The following GRXCR1 variants were observed in gnomAD, a reference collection of about 807,000 sequenced individuals.
GRXCR1 encodes the protein glutaredoxin and cysteine rich domain containing 1.
GRXCR1 carries 27 observed loss-of-function variants against 27.3 expected under a neutral mutation model. The ratio of observed to expected loss-of-function variants is 0.99; its 90% CI spans 0.73 to 1.37. The LOEUF (loss-of-function observed/expected upper bound fraction) is 1.37, where lower values mean the gene tolerates loss of function less well. Ranked by LOEUF, GRXCR1 falls within the 40% of genes most tolerant of loss-of-function variation. The pLI is 0.00. For missense variants in GRXCR1, 379 were observed against 354.4 expected (o/e 1.07, Z -0.56); for synonymous variants, 122 against 131.1 (o/e 0.93, Z 0.47).
At chr4:42,919,998 T>G (rs1746973199) in intron 1 of GRXCR1, among the ~76,000 whole-genome samples, 1 of 152,126 alleles carries the variant, frequency 6.6e-6, no homozygotes, top group South Asian at 2.1e-4. Context: ...CATCATGGCC[T>G]TTGTGGTAAA....
At chr4:42,951,831 C>A (rs554235812) in intron 1 of GRXCR1, among the ~76,000 whole-genome samples, 1 of 152,106 alleles carries the variant, frequency 6.6e-6, no homozygotes, top group Non-Finnish European at 1.5e-5. Context: ...GAGATAATAT[C>A]TCATTGTGGT....
At chr4:42,992,101 T>C (rs1311723701) in intron 2 of GRXCR1, among the ~76,000 whole-genome samples, 1 of 152,150 alleles carries the variant, frequency 6.6e-6, no homozygotes, top group Non-Finnish European at 1.5e-5. Flanking sequence ...CCTCCTCTCC[T>C]ATATTCCTTT....
In GRXCR1 at chr4:42,983,377, G is replaced by A. The variant is rs1396188571; in HGVS notation, c.627+20243G>A. On this transcript the variant is annotated intron_variant, in intron 2 of 3. Transcript: ENST00000399770. ...GATCAGATAGTTGTAGATATGCGGC[G>A]TTATTTCTGAGGGCTCTGTTCTGTT... 1.1e-3 allele frequency among the ~76,000 whole-genome samples: 165 copies of A among 149,678 alleles called. 1 individual carries two copies. Among genetic ancestry groups the A allele is most frequent in the African/African-American group, 2.1e-3 (85 of 40,502 alleles).
At chr4:42,974,666 T>G (rs1748467854) in intron 2 of GRXCR1, among the ~76,000 whole-genome samples, 1 of 152,090 alleles carries the variant, frequency 6.6e-6, no homozygotes, top group African/African-American at 2.4e-5. Flanking sequence ...AGACCACTCT[T>G]ATTGCTTCCT....
chr4:42,947,373 C>A (rs1177318409), intron 1 of GRXCR1, among the ~76,000 whole-genome samples: 3 of 152,002 alleles, frequency 2.0e-5, no homozygotes, highest in African/African-American at 4.8e-5. Flanking sequence ...GATTTTGTGA[C>A]CTTAAGCAAG....
intron 3 of GRXCR1, among the ~76,000 whole-genome samples, chr4:43,025,975 CA>C (rs373672727): frequency 0.12 from 11,140 of 89,664 alleles, 687 homozygotes; most frequent in African/African-American, 0.29. Context: ...AACTCCGTCT[CA>C]AAAAAAAAAA....
intron 2 of GRXCR1, among the ~76,000 whole-genome samples, chr4:42,989,701 G>C (rs1442728311): frequency 6.6e-6 from 1 of 152,078 alleles, no homozygotes; most frequent in Non-Finnish European, 1.5e-5. Flanking sequence ...GTACTACTTA[G>C]CTTGATTTCT....
intron 1 of GRXCR1, 128 bp from the exon 2 acceptor site, chr4:42,962,764 C>G: frequency 3.0e-6 from 3 of 995,736 alleles, no homozygotes; most frequent in Non-Finnish European, 4.8e-6. Flanking sequence ...AAAGGTAAGT[C>G]TTTGAATTGA....
At chr4:43,023,495 A>C (rs542082166) in intron 3 of GRXCR1, among the ~76,000 whole-genome samples, 1 of 152,184 alleles carries the variant, frequency 6.6e-6, no homozygotes, top group Non-Finnish European at 1.5e-5. Context: ...GATGAAGATT[A>C]TTAGTGGCCT....
chr4:43,030,425 G>A lies in GRXCR1; in HGVS notation c.758G>A (p.Cys253Tyr). ...GGFGFLPCSVCHGSKMSMFRN... is the reference protein window; with the variant it reads ...GGFGFLPCSVYHGSKMSMFRN... ...TTTGGCTTTCTTCCATGCTCCGTGT[G>A]CCATGGGAGCAAGATGTCCATGTTT... Residue 253 changes from cysteine to tyrosine, a missense_variant, in exon 4 of 4, where the codon TGC (cysteine) becomes TAC (tyrosine). Cys to Tyr is a radical substitution (Grantham distance 194). Transcript: ENST00000399770. 3.7e-6 allele frequency: 6 copies of A among 1,614,010 alleles called. No homozygotes were observed. Among genetic ancestry groups the A allele is most frequent in the Non-Finnish European group, 5.1e-6 (6 of 1,179,944 alleles).
At chr4:42,932,662 AG>A (rs1396423163) in intron 1 of GRXCR1, among the ~76,000 whole-genome samples, 41 of 116,012 alleles carry the variant, frequency 3.5e-4, no homozygotes, top group African/African-American at 1.2e-3. Flanking sequence ...AGAGAGAGAG[AG>A]AGGCAATCTG....
At chr4:42,999,770 A>G (rs16855184) in intron 2 of GRXCR1, among the ~76,000 whole-genome samples, 2,256 of 152,360 alleles carry the variant, frequency 0.015, 46 homozygotes, top group African/African-American at 0.05. Context: ...ATTCACTAAC[A>G]GTATCTAAAA....
intron 2 of GRXCR1, among the ~76,000 whole-genome samples, chr4:43,016,972 T>G (rs991420944): frequency 6.6e-6 from 1 of 152,246 alleles, no homozygotes; most frequent in African/African-American, 2.4e-5. Context: ...CCAAGTGTCT[T>G]GTTCACATGT....
At chr4:42,987,261 A>AAT (rs1279529979) in intron 2 of GRXCR1, among the ~76,000 whole-genome samples, 10,716 of 94,956 alleles carry the variant, frequency 0.11, 825 homozygotes, top group Non-Finnish European at 0.17. Flanking sequence ...ATATATATAT[A>AAT]ATATATATAT....
At chr4:42,907,470 A>T (rs1033183743) in intron 1 of GRXCR1, among the ~76,000 whole-genome samples, 25 of 152,102 alleles carry the variant, frequency 1.6e-4, no homozygotes, top group African/African-American at 6.0e-4. Flanking sequence ...CTTAGCTAGC[A>T]CTTCTACTCA....
intron 2 of GRXCR1, among the ~76,000 whole-genome samples, chr4:42,994,543 T>TA (rs1270933422): frequency 1.6e-4 from 24 of 152,246 alleles, no homozygotes; most frequent in Admixed American, 9.8e-4. Context: ...CCCACAAACT[T>TA]TATTGAGTTC....
chr4:42,950,115 A>C (rs900784080), intron 1 of GRXCR1, among the ~76,000 whole-genome samples: 2 of 152,138 alleles, frequency 1.3e-5, no homozygotes, highest in Non-Finnish European at 2.9e-5. Context: ...TGTAGATATA[A>C]TATATAAAAT....
chr4:42,942,805 T>C (rs1043526788), intron 1 of GRXCR1, among the ~76,000 whole-genome samples: 3 of 152,130 alleles, frequency 2.0e-5, no homozygotes, highest in Non-Finnish European at 2.9e-5. Context: ...TATTTCCTTA[T>C]ACTGTTTTAT....
rs149806078 is a variant in GRXCR1, at chr4:43,017,953, G to A, written c.628-2401G>A. ...AGCAGGGCAGATTGAGATTTACCCC[G>A]ATAAATGCTCCAAACCTCAGCATGG... On this transcript the variant is annotated intron_variant, in intron 2 of 3. Coordinates refer to ENST00000399770, the MANE Select transcript of GRXCR1 (RefSeq NM_001080476.3). Among the ~76,000 whole-genome samples, 646 of 152,242 alleles carry A rather than the reference G, an allele frequency of 4.2e-3. 1 individual carries two copies. The highest frequency in any genetic ancestry group is 0.015 in the African/African-American group (625 of 41,554).
Sources: gnomAD v4.1 joint callset for allele counts (sites outside exome capture counted in the v4.1 genomes callset) on GRCh38, gnomAD v4.1.1 for gene constraint, MANE v1.5 for transcripts, NCBI Gene and HGNC (gene_info 2026-07-23, HGNC 2026-07-21) for gene names.